The following VTCN1 variants were observed in gnomAD, a reference collection of about 807,000 sequenced individuals.
VTCN1 encodes V-set domain-containing T-cell activation inhibitor 1.
VTCN1 carries 26 observed loss-of-function variants against 26.5 expected under a neutral mutation model. The observed-to-expected ratio is 0.98, with a 90% CI of 0.72 to 1.36. VTCN1 has a LOEUF of 1.36. VTCN1 is among the 40% of genes most tolerant of loss of function. VTCN1 has a pLI of 0.00. For synonymous variants in VTCN1, 116 were observed against 130.7 expected (o/e 0.89, Z 0.77); for missense variants, 298 against 337.7 (o/e 0.88, Z 0.92).
chr1:117,191,594 C>T (rs1013888764), intron 1 of VTCN1, among the ~76,000 whole-genome samples: 10 of 152,142 alleles, frequency 6.6e-5, no homozygotes, highest in Non-Finnish European at 1.2e-4. Flanking sequence ...ACCAGCCTGA[C>T]CAACATGGAG....
At chr1:117,207,433 C>G (rs1649117685) in intron 1 of VTCN1, among the ~76,000 whole-genome samples, 1 of 152,128 alleles carries the variant, frequency 6.6e-6, no homozygotes. Context: ...TTATTCTCAG[C>G]TCTTTCCCTG....
Position 117,208,442 on chromosome 1 carries a change from A to C in VTCN1, c.32+2382T>G, listed in dbSNP as rs116343568. Among the ~76,000 whole-genome samples, 642 of 152,258 alleles carry C rather than the reference A, an allele frequency of 4.2e-3. 6 individuals are homozygous for C. The highest frequency in any genetic ancestry group is 0.015 in the African/African-American group (607 of 41,554). On this transcript the variant is annotated intron_variant, in intron 1 of 5. Coordinates refer to ENST00000369458, the MANE Select transcript of VTCN1 (RefSeq NM_024626.4). ...CCTGTGCTTATTGTCTGAGGACTTA[A>C]GGGTGGCGCGTTAGAGTTGTTATGT...
chr1:117,184,639 C>A (rs1329371654), intron 1 of VTCN1, among the ~76,000 whole-genome samples: 1 of 152,064 alleles, frequency 6.6e-6, no homozygotes, highest in East Asian at 1.9e-4. Context: ...TATTTAAAGT[C>A]CAGGGAGGAA....
chr1:117,150,095 C>T (rs1651712024), intron 4 of VTCN1, among the ~76,000 whole-genome samples: 1 of 152,170 alleles, frequency 6.6e-6, no homozygotes, highest in African/African-American at 2.4e-5. Context: ...ATACTGTTGT[C>T]AGCACCCATT....
At chr1:117,206,845 A>G (rs10923227) in intron 1 of VTCN1, among the ~76,000 whole-genome samples, 143,081 of 152,206 alleles carry the variant, frequency 0.94, 67,377 homozygotes, top group Non-Finnish European at 0.97. Flanking sequence ...CCTCAATAGG[A>G]GCAGGAACAC....
At chr1:117,168,461 C>T (rs1022667546) in intron 2 of VTCN1, among the ~76,000 whole-genome samples, 2 of 152,118 alleles carry the variant, frequency 1.3e-5, no homozygotes, top group African/African-American at 4.8e-5. Flanking sequence ...AAAGCTTCTA[C>T]AAGATAATCT....
chr1:117,172,172 G>A (rs892993233), intron 1 of VTCN1, among the ~76,000 whole-genome samples: 5 of 152,198 alleles, frequency 3.3e-5, no homozygotes, highest in African/African-American at 1.2e-4. Context: ...AAAGAACGAT[G>A]CTATAGAGAG....
Position 117,147,846 on chromosome 1 carries a change from T to A in VTCN1, c.725-64A>T. 6.4e-7 allele frequency: 1 copy of A among 1,555,758 alleles called. No individual in the cohort carries two copies. The highest frequency in any genetic ancestry group is 8.7e-7 in the Non-Finnish European group (1 of 1,155,920). ...AAGCTGGATGTCTTCTTCACATGACTGGTTAGCAAAGAAAAGTACCTGAAA... is the reference window on the plus strand; with the variant it reads ...AAGCTGGATGTCTTCTTCACATGACAGGTTAGCAAAGAAAAGTACCTGAAA... On this transcript the variant is annotated intron_variant, in intron 4 of 5. Transcript: ENST00000369458. This position sits in a 1 kb window ranked among gnomAD's most constrained non-coding sequence, Gnocchi z 4.6.
intron 1 of VTCN1, among the ~76,000 whole-genome samples, chr1:117,182,944 C>T (rs1301395426): frequency 3.9e-5 from 6 of 152,220 alleles, no homozygotes; most frequent in South Asian, 2.1e-4. Flanking sequence ...AGATGGGCTA[C>T]GGAGCTCTTA....
At chr1:117,209,201 G>A (rs1649240526) in intron 1 of VTCN1, among the ~76,000 whole-genome samples, 1 of 152,208 alleles carries the variant, frequency 6.6e-6, no homozygotes, top group African/African-American at 2.4e-5. Flanking sequence ...GTGGGTTTCT[G>A]AAGGGTAGGG....
intron 1 of VTCN1, chr1:117,203,842 GC>G: frequency 1.1e-6 from 1 of 946,120 alleles, no homozygotes; most frequent in Non-Finnish European, 1.3e-6. Flanking sequence ...ACCAGGCCCT[GC>G]CCCCAGAATT....
Position 117,153,167 on chromosome 1 carries a change from A to T in VTCN1, c.648T>A (p.Asn216Lys), listed in dbSNP as rs1431225802. ...AGGAGTATGTGTTGTTGATCGTAAC[A>T]TTGTAGAGCACAGACACAACCTTCA... ...VTMKVVSVLY[N>K]VTINNTYSCM... is the part of the protein sequence containing the mutation. Residue 216 changes from asparagine (N) to lysine (K), a missense_variant, in exon 4 of 6, where the codon AAT becomes AAA. Asn to Lys is a moderately conservative substitution (Grantham distance 94, BLOSUM62 0). Transcript: ENST00000369458. 3 of 1,614,122 alleles carry T rather than the reference A, an allele frequency of 1.9e-6. No individual in the cohort carries two copies. The highest frequency in any genetic ancestry group is 2.2e-5 in the East Asian group (1 of 44,886).
intron 1 of VTCN1, among the ~76,000 whole-genome samples, chr1:117,209,335 C>A (rs1649245795): frequency 1.3e-5 from 2 of 152,138 alleles, no homozygotes; most frequent in Non-Finnish European, 1.5e-5. Flanking sequence ...CCACTTGTTG[C>A]AGGAGGAGTG....
chr1:117,198,611 G>A (rs568155678), intron 1 of VTCN1, among the ~76,000 whole-genome samples: 7 of 152,220 alleles, frequency 4.6e-5, no homozygotes, highest in Non-Finnish European at 1.0e-4. Context: ...GGGCTGCATC[G>A]CCTCCTGCAT....
intron 1 of VTCN1, among the ~76,000 whole-genome samples, chr1:117,191,887 T>C (rs1648262141): frequency 6.6e-6 from 1 of 152,082 alleles, no homozygotes; most frequent in Non-Finnish European, 1.5e-5. Flanking sequence ...AACCCAGAGT[T>C]TGAGGCTGTA....
intron 1 of VTCN1, among the ~76,000 whole-genome samples, chr1:117,192,849 G>A (rs971225724): frequency 4.6e-5 from 7 of 151,960 alleles, no homozygotes; most frequent in South Asian, 2.1e-4. Context: ...AAGACAGAAG[G>A]AAAGAAACTT....
chr1:117,197,121 GACA>G (rs1648550770), intron 1 of VTCN1, among the ~76,000 whole-genome samples: 1 of 152,056 alleles, frequency 6.6e-6, no homozygotes, highest in African/African-American at 2.4e-5. Flanking sequence ...TTTACTTTTA[GACA>G]ACATGTTTAT....
At chr1:117,189,299 T>A (rs1323440792) in intron 1 of VTCN1, among the ~76,000 whole-genome samples, 1 of 152,180 alleles carries the variant, frequency 6.6e-6, no homozygotes, top group Non-Finnish European at 1.5e-5. Context: ...CCTCTGCCCT[T>A]TCTCTCATTT....
At chr1:117,190,619 G>T (rs1014580845) in intron 1 of VTCN1, among the ~76,000 whole-genome samples, 2 of 152,188 alleles carry the variant, frequency 1.3e-5, no homozygotes, top group Non-Finnish European at 2.9e-5. Flanking sequence ...GACTCCTCCA[G>T]ACAGGATCCA....
Sources: allele counts gnomAD v4.1 joint callset (sites outside exome capture counted in the v4.1 genomes callset), GRCh38; gene constraint gnomAD v4.1.1; non-coding constraint Gnocchi (gnomAD v3.1); transcripts MANE v1.5; gene names NCBI Gene and HGNC (gene_info 2026-07-23, HGNC 2026-07-21).